The following CHN1 variants were observed in gnomAD, a reference collection of about 807,000 sequenced individuals.
CHN1 encodes the protein chimerin 1, also known as N-chimaerin.
In CHN1, 37 loss-of-function variants were observed where a neutral mutation model predicts 59.5. The ratio of observed to expected loss-of-function variants is 0.62; its 90% CI spans 0.48 to 0.82. The LOEUF is 0.82. Among genes scored for constraint, CHN1 ranks in the 40% least tolerant of loss-of-function variants. The pLI is 0.00. For missense variants in CHN1, 469 were observed against 571.0 expected (o/e 0.82, Z 1.82); for synonymous variants, 206 against 200.4 (o/e 1.03, Z -0.24).
chr2:174,861,008 T>C (rs1169970136), intron 6 of CHN1, among the ~76,000 whole-genome samples: 3 of 152,106 alleles, frequency 2.0e-5, no homozygotes, highest in African/African-American at 7.2e-5. Flanking sequence ...ATCTGCCTAA[T>C]CCCTCCTTCC....
At chr2:174,823,474 T>C (rs1685569484) in intron 8 of CHN1, among the ~76,000 whole-genome samples, 1 of 151,972 alleles carries the variant, frequency 6.6e-6, no homozygotes, top group Admixed American at 6.6e-5. Flanking sequence ...CCATCCTGGC[T>C]AACATGGTGA....
intron 6 of CHN1, among the ~76,000 whole-genome samples, chr2:174,855,930 G>A (rs949597140): frequency 2.6e-5 from 4 of 152,074 alleles, no homozygotes; most frequent in East Asian, 1.9e-4. Flanking sequence ...ACTTCAAATT[G>A]TCTCTCCTCT....
Position 174,959,729 on chromosome 2 carries a change from G to T in CHN1, c.20-7527C>A, listed in dbSNP as rs1003201662. Among the ~76,000 whole-genome samples the T allele has an allele frequency of 2.6e-5, 4 of 152,296 alleles. No homozygotes were observed. In the East Asian group the frequency reaches 7.7e-4, roughly 29 times the overall value. ...CTAAGGTCACACAAAAAGCTTCTGCGTTTATCAGGTAGGACAGATTCTGGC... is the reference window on the plus strand; with the variant it reads ...CTAAGGTCACACAAAAAGCTTCTGCTTTTATCAGGTAGGACAGATTCTGGC... On this transcript the variant is annotated intron_variant, in intron 1 of 12. Transcript: ENST00000409900.
intron 3 of CHN1, among the ~76,000 whole-genome samples, chr2:174,944,566 C>G (rs1349183048): frequency 2.6e-5 from 4 of 151,812 alleles, no homozygotes; most frequent in African/African-American, 9.7e-5. Flanking sequence ...TTCAATAATC[C>G]TACAATGATG....
At chr2:174,853,741 A>C (rs999880521) in intron 6 of CHN1, among the ~76,000 whole-genome samples, 15 of 152,326 alleles carry the variant, frequency 9.8e-5, no homozygotes, top group African/African-American at 3.6e-4. Flanking sequence ...TGTGGTACAT[A>C]CACACTATGG....
At chr2:174,955,187 TATATATATATATA>T (rs1375051993) in intron 1 of CHN1, among the ~76,000 whole-genome samples, 2 of 103,592 alleles carry the variant, frequency 1.9e-5, no homozygotes, top group Non-Finnish European at 3.8e-5. Flanking sequence ...TCTATATCTA[TATATATATATATA>T]ATTGATATAT....
At chr2:174,881,762 T>C (rs1029243368) in intron 5 of CHN1, among the ~76,000 whole-genome samples, 3 of 152,192 alleles carry the variant, frequency 2.0e-5, no homozygotes, top group African/African-American at 7.2e-5. Flanking sequence ...CTTTGTGAAA[T>C]TTTCTCCTGG....
intron 6 of CHN1, among the ~76,000 whole-genome samples, chr2:174,866,898 T>G (rs1687233608): frequency 6.6e-6 from 1 of 152,090 alleles, no homozygotes; most frequent in South Asian, 2.1e-4. Flanking sequence ...CGAAAGAAAT[T>G]AATTTATAAA....
At chr2:174,996,066 T>G (rs905701200) in intron 1 of CHN1, among the ~76,000 whole-genome samples, 2 of 152,234 alleles carry the variant, frequency 1.3e-5, no homozygotes, top group African/African-American at 2.4e-5. Flanking sequence ...GGTTCTGTAC[T>G]ATCCAGTTTC....
At position 174,944,916 on chromosome 2, in the gene CHN1, T is replaced by C; in HGVS notation, c.86A>G (p.His29Arg). The C allele has an allele frequency of 6.3e-7, 1 of 1,582,080 alleles. No homozygotes were observed. Among genetic ancestry groups the C allele is most frequent in the African/African-American group, 1.3e-5 (1 of 74,592 alleles). ...GCAAGTACAGGTAATTCTTCGAGGA[T>C]GAGGGGCTTCCTGTTGTAGCTGATA... Reference protein sequence around the residue: ...YLYQLQQEAPHPRRITCTCEV... With the variant: ...YLYQLQQEAPRPRRITCTCEV... Residue 29 changes from histidine to arginine, a missense_variant, in exon 3 of 13, where the codon CAT becomes CGT. His to Arg is a conservative substitution (Grantham distance 29). Coordinates refer to ENST00000409900, the MANE Select transcript of CHN1 (RefSeq NM_001822.7).
chr2:174,804,583 G>A (rs1476746822), intron 11 of CHN1, among the ~76,000 whole-genome samples: 1 of 152,174 alleles, frequency 6.6e-6, no homozygotes, highest in Non-Finnish European at 1.5e-5. Flanking sequence ...CTTGGACCAG[G>A]GGGTAGCAAT....
At chr2:175,004,099 A>C (rs1691981370) in intron 1 of CHN1, among the ~76,000 whole-genome samples, 1 of 152,210 alleles carries the variant, frequency 6.6e-6, no homozygotes, top group African/African-American at 2.4e-5. Flanking sequence ...TAATGTTCAC[A>C]TATTGAGTTT....
At chr2:174,996,278 C>T (rs1430768165) in intron 1 of CHN1, among the ~76,000 whole-genome samples, 1 of 152,188 alleles carries the variant, frequency 6.6e-6, no homozygotes, top group African/African-American at 2.4e-5. Context: ...CCCCCTGAAC[C>T]AGGTCTGCAA....
chr2:174,955,403 A>G (rs778558569), intron 1 of CHN1, among the ~76,000 whole-genome samples: 7 of 151,892 alleles, frequency 4.6e-5, no homozygotes, highest in African/African-American at 7.2e-5. Context: ...ACCAAACGTC[A>G]TATGTTCTCA....
chr2:175,005,147 C>G lies in CHN1; in HGVS notation c.-235G>C. On this transcript the variant is annotated 5_prime_UTR_variant, in exon 1 of 13. Transcript: ENST00000409900. ...GGGCCCAGGGAGCCCCGCTAGCTCTCCGCGAGCCGGCACTTGTCGCTGCCA... is the reference window on the plus strand; with the variant it reads ...GGGCCCAGGGAGCCCCGCTAGCTCTGCGCGAGCCGGCACTTGTCGCTGCCA... 1 of 1,291,698 alleles carries G rather than the reference C, an allele frequency of 7.7e-7. No individual in the cohort carries two copies. The highest frequency in any genetic ancestry group is 9.8e-7 in the Non-Finnish European group (1 of 1,017,532). The allele number at this position is 1,291,698 out of a possible 1,614,324, so 80.0% of individuals were successfully genotyped here. A position where few individuals can be genotyped will look rare whatever the true frequency, so the allele number is the denominator to read the frequency against.
chr2:174,919,764 CTT>C (rs922113528), intron 3 of CHN1, among the ~76,000 whole-genome samples: 4 of 144,704 alleles, frequency 2.8e-5, no homozygotes, highest in Middle Eastern at 3.6e-3. Flanking sequence ...ACTTCACATA[CTT>C]TTTTTTTTTT....
chr2:174,821,300 C>T (rs951514437), intron 8 of CHN1, among the ~76,000 whole-genome samples: 2 of 152,160 alleles, frequency 1.3e-5, no homozygotes, highest in African/African-American at 4.8e-5. Context: ...CTTCTGGCTC[C>T]TTCCTCTGTC....
intron 3 of CHN1, among the ~76,000 whole-genome samples, chr2:174,940,319 G>A (rs1426871768): frequency 2.0e-5 from 3 of 152,056 alleles, no homozygotes; most frequent in Admixed American, 6.5e-5. Context: ...GAGCCGCCAC[G>A]CCCAGCCGAG....
chr2:174,859,537 C>T (rs946084830), intron 6 of CHN1, among the ~76,000 whole-genome samples: 9 of 152,160 alleles, frequency 5.9e-5, no homozygotes, highest in African/African-American at 2.2e-4. Context: ...AAAAGAAATC[C>T]AGGCACACTT....
Sources: gnomAD v4.1 joint callset for allele counts (sites outside exome capture counted in the v4.1 genomes callset) on GRCh38, gnomAD v4.1.1 for gene constraint, MANE v1.5 for transcripts, NCBI Gene and HGNC (gene_info 2026-07-23, HGNC 2026-07-21) for gene names.